Variants in MAML2 observed in about 807,000 individuals in gnomAD.
MAML2 encodes the protein mastermind like transcriptional coactivator 2.
Under a neutral mutation model 96.1 loss-of-function variants are expected in MAML2, and 22 were observed. The ratio of observed to expected loss-of-function variants is 0.23; its 90% CI spans 0.16 to 0.33. MAML2 has a LOEUF of 0.33. Among genes scored for constraint, MAML2 ranks in the 10% least tolerant of loss-of-function variants. The probability of loss-of-function intolerance (pLI) is 1.00; values close to 1 mark genes in which losing one functional copy is unlikely to be tolerated. For synonymous variants in MAML2, 561 were observed against 521.3 expected (o/e 1.08, Z -1.04); for missense variants, 1,367 against 1,392.4 (o/e 0.98, Z 0.29).
intron 1 of MAML2, among the ~76,000 whole-genome samples, chr11:96,217,570 A>T (rs1213631949): frequency 2.0e-5 from 3 of 152,192 alleles, no homozygotes; most frequent in Admixed American, 1.3e-4. Context: ...TTACAGACCC[A>T]ACCTTTAAGT....
intron 1 of MAML2, among the ~76,000 whole-genome samples, chr11:96,175,187 T>C (rs573485306): frequency 1.3e-5 from 2 of 152,342 alleles, no homozygotes; most frequent in Admixed American, 6.5e-5. Context: ...CTCTACTGCT[T>C]ATTTTGTGAC....
intron 1 of MAML2, among the ~76,000 whole-genome samples, chr11:96,254,047 G>A (rs1862626198): frequency 6.6e-6 from 1 of 152,290 alleles, no homozygotes; most frequent in African/African-American, 2.4e-5. Context: ...TTAAAGGTAA[G>A]AATTTGTGAG....
rs141518418 is a variant in MAML2, at chr11:96,098,682, G to A, written c.514-5165C>T. On this transcript the variant is annotated intron_variant, in intron 1 of 4. Transcript: ENST00000524717. ...CCATTTGGACACCTAGATGCTATTT[G>A]AGGCCTGCGGTCTCTGCTGGGGAAA... is the stretch of plus-strand genomic sequence containing the variant. Among the ~76,000 whole-genome samples the A allele has an allele frequency of 1.9e-3, 293 of 152,312 alleles. 2 individuals are homozygous for A. Among genetic ancestry groups the A allele is most frequent in the Non-Finnish European group, 3.4e-3 (230 of 68,040 alleles).
intron 2 of MAML2, 33 bp from the exon 3 acceptor site, chr11:95,991,756 T>A (rs368219433): frequency 1.9e-6 from 3 of 1,570,168 alleles, no homozygotes; most frequent in Non-Finnish European, 2.6e-6. Flanking sequence ...GAAAAGCTAC[T>A]GTGAATTAAA....
chr11:96,138,743 A>G (rs514686), intron 1 of MAML2, among the ~76,000 whole-genome samples: 54,598 of 151,180 alleles, frequency 0.36, 10,815 homozygotes, highest in East Asian at 0.78. Context: ...GAAGGCCCCA[A>G]AAAGCTTTCC....
chr11:96,110,253 G>A (rs749843897), intron 1 of MAML2, among the ~76,000 whole-genome samples: 7 of 152,206 alleles, frequency 4.6e-5, no homozygotes, highest in Non-Finnish European at 1.0e-4. Flanking sequence ...GAAGGAGAGA[G>A]AGGACAGTGG....
chr11:96,079,435 G>A (rs1859498242), intron 2 of MAML2, among the ~76,000 whole-genome samples: 1 of 152,136 alleles, frequency 6.6e-6, no homozygotes, highest in African/African-American at 2.4e-5. Context: ...TGAGAGATGC[G>A]GTGTGTGGAG....
At chr11:96,037,318 C>G (rs1045391061) in intron 2 of MAML2, among the ~76,000 whole-genome samples, 3 of 152,198 alleles carry the variant, frequency 2.0e-5, no homozygotes, top group Non-Finnish European at 4.4e-5. Flanking sequence ...TTAAAAATCA[C>G]CAGTGGCTAC....
chr11:96,031,362 TG>T (rs2135746137), intron 2 of MAML2, among the ~76,000 whole-genome samples: 2 of 152,250 alleles, frequency 1.3e-5, no homozygotes, highest in South Asian at 4.1e-4. Context: ...TGTGTGTTTG[TG>T]TGTTTTCTCT....
intron 1 of MAML2, among the ~76,000 whole-genome samples, chr11:96,218,799 G>GT (rs1862087751): frequency 6.6e-6 from 1 of 152,110 alleles, no homozygotes; most frequent in Admixed American, 6.5e-5. Flanking sequence ...TAACAAATAA[G>GT]TTTTTAAAAG....
intron 1 of MAML2, 62 bp from the exon 2 acceptor site, chr11:96,093,579 T>C (rs1284694283): frequency 8.6e-7 from 1 of 1,159,812 alleles, no homozygotes; most frequent in Non-Finnish European, 1.2e-6. Context: ...ATGCTTCTCA[T>C]AAAAAGTGAT....
At chr11:96,040,671 G>A (rs963633838) in intron 2 of MAML2, among the ~76,000 whole-genome samples, 1 of 152,138 alleles carries the variant, frequency 6.6e-6, no homozygotes, top group African/African-American at 2.4e-5. Context: ...GGAGGCTGAG[G>A]TACGAGAATT....
chr11:96,174,082 A>G (rs1278575698), intron 1 of MAML2, among the ~76,000 whole-genome samples: 1 of 152,172 alleles, frequency 6.6e-6, no homozygotes, highest in East Asian at 1.9e-4. Context: ...TTGGGAGCAG[A>G]TGGCCTGTCC....
intron 1 of MAML2, among the ~76,000 whole-genome samples, chr11:96,232,730 C>T (rs1862314006): frequency 6.6e-6 from 1 of 152,198 alleles, no homozygotes; most frequent in Non-Finnish European, 1.5e-5. Context: ...CTCAGCCTCC[C>T]AAAGTGCTTA....
At chr11:96,288,789 A>G (rs1181005365) in intron 1 of MAML2, among the ~76,000 whole-genome samples, 1 of 152,334 alleles carries the variant, frequency 6.6e-6, no homozygotes, top group East Asian at 1.9e-4. Context: ...AGCACGGCGA[A>G]ACTCAAAAGG....
At chr11:96,058,132 A>C (rs1859098230) in intron 2 of MAML2, among the ~76,000 whole-genome samples, 1 of 152,212 alleles carries the variant, frequency 6.6e-6, no homozygotes, top group African/African-American at 2.4e-5. Context: ...CCAAAATTCC[A>C]TACTATTTTC....
intron 1 of MAML2, among the ~76,000 whole-genome samples, chr11:96,219,663 T>C (rs1862102749): frequency 6.6e-6 from 1 of 152,130 alleles, no homozygotes; most frequent in South Asian, 2.1e-4. Context: ...TCTCACTCTG[T>C]CATGTAGGCT....
intron 1 of MAML2, among the ~76,000 whole-genome samples, chr11:96,162,176 CTTTTTTTTTT>C (rs36006515): frequency 9.4e-6 from 1 of 105,954 alleles, no homozygotes; most frequent in Non-Finnish European, 1.9e-5. Flanking sequence ...ATCAATCTAA[CTTTTTTTTTT>C]TTTTTTTTTT....
At chr11:96,169,389 A>T (rs958542911) in intron 1 of MAML2, among the ~76,000 whole-genome samples, 6 of 152,212 alleles carry the variant, frequency 3.9e-5, no homozygotes, top group Non-Finnish European at 8.8e-5. Context: ...TGTTCCATCT[A>T]GCACTTTCTC....
Sources: gnomAD v4.1 joint callset for allele counts (sites outside exome capture counted in the v4.1 genomes callset) on GRCh38, gnomAD v4.1.1 for gene constraint, MANE v1.5 for transcripts, NCBI Gene and HGNC (gene_info 2026-07-23, HGNC 2026-07-21) for gene names.